Variants in LPP observed in about 807,000 individuals in gnomAD.
LPP encodes lipoma-preferred partner.
LPP carries 38 observed loss-of-function variants against 60.4 expected under a neutral mutation model. The ratio of observed to expected loss-of-function variants is 0.63; its 90% confidence interval spans 0.49 to 0.83. The LOEUF (loss-of-function observed/expected upper bound fraction) is 0.83, where lower values mean the gene tolerates loss of function less well. Among genes scored for constraint, LPP ranks in the 40% least tolerant of loss-of-function variants. The probability of loss-of-function intolerance (pLI) is 0.00; values close to 1 mark genes in which losing one functional copy is unlikely to be tolerated. For synonymous variants in LPP, 328 were observed against 290.8 expected, an observed-to-expected ratio of 1.13 and a Z score of -1.30; for missense variants, 902 against 783.6, an observed-to-expected ratio of 1.15 and a Z score of -1.80.
intron 5 of LPP, among the ~76,000 whole-genome samples, chr3:188,522,841 G>T (rs1819333755): frequency 6.8e-6 from 1 of 147,656 alleles, no homozygotes; most frequent in African/African-American, 2.5e-5. Flanking sequence ...GTATGTGTGT[G>T]TACGTGTGTG....
intron 4 of LPP, among the ~76,000 whole-genome samples, chr3:188,459,163 T>A (rs1798424463): frequency 6.6e-6 from 1 of 152,100 alleles, no homozygotes; most frequent in Non-Finnish European, 1.5e-5. Flanking sequence ...TAGGCCCAAG[T>A]TTATTATAGC....
chr3:188,795,227 G>A (rs771704143), intron 9 of LPP, among the ~76,000 whole-genome samples: 24 of 152,276 alleles, frequency 1.6e-4, no homozygotes, highest in Middle Eastern at 3.4e-3. Context: ...GAAAGATAAC[G>A]TTAAAAAATA....
At chr3:188,205,547 G>A (rs1732970699) in intron 1 of LPP, among the ~76,000 whole-genome samples, 1 of 152,166 alleles carries the variant, frequency 6.6e-6, no homozygotes, top group Non-Finnish European at 1.5e-5. Flanking sequence ...CTCCCAAAGT[G>A]CTGGGATTAC....
rs1833676774 is a variant in LPP, at chr3:188,572,129, G to A, written c.430-37032G>A. ...TTTGACTTGAAAAGTAATTCAAAGG[G>A]TTGAAATTTAAACGTAAAGAAATTT... is the stretch of plus-strand genomic sequence containing the variant. On this transcript the variant is annotated intron_variant, in intron 6 of 11. Transcript: ENST00000617246. This position sits in a 1 kb window ranked among gnomAD's most constrained non-coding sequence, Gnocchi z 4.1. Among the ~76,000 whole-genome samples, 1 of 151,948 alleles carries A rather than the reference G, an allele frequency of 6.6e-6. No homozygotes were observed. Among genetic ancestry groups the A allele is most frequent in the South Asian group, 2.1e-4 (1 of 4,826 alleles).
intron 5 of LPP, among the ~76,000 whole-genome samples, chr3:188,514,129 G>T (rs1347829577): frequency 1.3e-5 from 2 of 152,142 alleles, no homozygotes; most frequent in African/African-American, 4.8e-5. Context: ...CTGAATCATG[G>T]AGTTTATCTT....
intron 7 of LPP, among the ~76,000 whole-genome samples, chr3:188,674,591 A>G (rs1174438331): frequency 6.6e-6 from 1 of 152,190 alleles, no homozygotes; most frequent in Non-Finnish European, 1.5e-5. Flanking sequence ...AAAGGTAACA[A>G]AGGAAAACGA....
At chr3:188,386,821 G>T (rs573093722) in intron 3 of LPP, among the ~76,000 whole-genome samples, 9 of 152,114 alleles carry the variant, frequency 5.9e-5, no homozygotes, top group Non-Finnish European at 1.3e-4. Flanking sequence ...GCATTTTGCA[G>T]GGTTTTCAAA....
At chr3:188,193,646 A>C (rs1323822381) in intron 1 of LPP, among the ~76,000 whole-genome samples, 6 of 152,202 alleles carry the variant, frequency 3.9e-5, no homozygotes, top group African/African-American at 1.4e-4. Context: ...ACATGTTCAC[A>C]TGTGTGGTCT....
chr3:188,829,134 A>G (rs77769995), intron 9 of LPP, among the ~76,000 whole-genome samples: 8,219 of 152,202 alleles, frequency 0.054, 239 homozygotes, highest in South Asian at 0.069. Flanking sequence ...TCTAAGCACA[A>G]TCATCTTATA....
intron 2 of LPP, among the ~76,000 whole-genome samples, chr3:188,231,230 TTAA>T (rs1211805540): frequency 6.6e-6 from 1 of 152,180 alleles, no homozygotes; most frequent in African/African-American, 2.4e-5. Context: ...CACAAGGTTA[TTAA>T]TACCAGGAGG....
intron 1 of LPP, chr3:188,180,810 T>TGGCGTGAACCCGGG (rs1368774639): frequency 8.0e-5 from 12 of 150,746 alleles, no homozygotes; most frequent in South Asian, 4.3e-4. Context: ...GAATTGTTTG[T>TGGCGTGAACCCGGG]ACATGTAATT....
At chr3:188,240,178 A>T (rs558369200) in intron 2 of LPP, 1 of 183,334 alleles carries the variant, frequency 5.5e-6, no homozygotes, top group Middle Eastern at 2.0e-3. Context: ...GTTTATGTGT[A>T]AATGATATCT....
Position 188,881,980 on chromosome 3 carries a change from T to G in LPP, c.*7501T>G, listed in dbSNP as rs1176461154. ...CTTTCTCTAATCATTTAGGAGTCCA[T>G]ATTTTTCTTTTCTTTTTGTTCTCCC... On this transcript the variant is annotated 3_prime_UTR_variant, in exon 12 of 12. Transcript: ENST00000617246. 1 of 215,170 alleles carries G rather than the reference T, an allele frequency of 4.6e-6. No homozygotes were observed. 13.3% of individuals were successfully genotyped at this position (215,170 alleles called of 1,614,324 possible).
chr3:188,474,974 G>A (rs1802800682), intron 4 of LPP, among the ~76,000 whole-genome samples: 1 of 152,210 alleles, frequency 6.6e-6, no homozygotes, highest in African/African-American at 2.4e-5. Flanking sequence ...TCTAGTCGAT[G>A]TGCAGAGCTA....
At chr3:188,763,584 T>G (rs1177305152) in intron 9 of LPP, among the ~76,000 whole-genome samples, 1 of 152,192 alleles carries the variant, frequency 6.6e-6, no homozygotes, top group African/African-American at 2.4e-5. Flanking sequence ...ATTGTAATTC[T>G]CTTTAATCAT....
chr3:188,306,259 T>G (rs1019040529), intron 2 of LPP, among the ~76,000 whole-genome samples: 12 of 151,634 alleles, frequency 7.9e-5, no homozygotes, highest in African/African-American at 2.9e-4. Flanking sequence ...TTTTTTTTTT[T>G]TGTATTTTTA....
intron 2 of LPP, among the ~76,000 whole-genome samples, chr3:188,325,021 C>T (rs1483796647): frequency 6.6e-6 from 1 of 152,002 alleles, no homozygotes; most frequent in Non-Finnish European, 1.5e-5. Context: ...GCTCTTGTCT[C>T]CCAGGCTGGA....
intron 1 of LPP, among the ~76,000 whole-genome samples, chr3:188,173,899 T>C (rs3930402): frequency 0.68 from 102,867 of 152,046 alleles, 35,370 homozygotes; most frequent in East Asian, 0.8. Context: ...TCCCAAAAAT[T>C]AGGGTTTGGA....
chr3:188,808,257 C>T (rs1333128388), intron 9 of LPP, among the ~76,000 whole-genome samples: 6 of 151,346 alleles, frequency 4.0e-5, no homozygotes, highest in Non-Finnish European at 7.4e-5. Context: ...TGTCTGTCTC[C>T]CAAATTTTGC....
Sources: allele counts gnomAD v4.1 joint callset (sites outside exome capture counted in the v4.1 genomes callset), GRCh38; gene constraint gnomAD v4.1.1; non-coding constraint Gnocchi (gnomAD v3.1); transcripts MANE v1.5; gene names NCBI Gene and HGNC (gene_info 2026-07-23, HGNC 2026-07-21).